ZNF436: variants seen among roughly 807,000 people sequenced by gnomAD.
ZNF436 encodes the protein DNA-binding protein.
ZNF436 carries 22 observed loss-of-function variants against 41.9 expected under a neutral mutation model. The ratio of observed to expected loss-of-function variants is 0.53; its 90% CI spans 0.38 to 0.75. ZNF436 has a LOEUF of 0.75. Ranked by LOEUF, ZNF436 falls within the 30% of genes least tolerant of loss-of-function variation. ZNF436 has a pLI of 0.00. For missense variants in ZNF436, 506 were observed against 587.3 expected (o/e 0.86, Z 1.43); for synonymous variants, 217 against 197.8 (o/e 1.10, Z -0.82).
At chr1:23,364,980 G>C (rs1404869053) in intron 3 of ZNF436, among the ~76,000 whole-genome samples, 1 of 152,204 alleles carries the variant, frequency 6.6e-6, no homozygotes. Context: ...TATAAGGCCA[G>C]ATGCAGTAGC....
Position 23,361,641 on chromosome 1 carries a change from T to C in ZNF436, c.*328A>G, listed in dbSNP as rs551929550. On this transcript the variant is annotated 3_prime_UTR_variant, in exon 4 of 4. Coordinates refer to ENST00000314011, the MANE Select transcript of ZNF436 (RefSeq NM_001077195.2). ...TTAGCATAGTTCCTTGGGCCAAGGATGGGAGAAAATAACATTGAAAGATTT... is the reference window on the plus strand; with the variant it reads ...TTAGCATAGTTCCTTGGGCCAAGGACGGGAGAAAATAACATTGAAAGATTT... 1.8e-4 allele frequency: 43 copies of C among 235,358 alleles called. No homozygotes were observed. The highest frequency in any genetic ancestry group is 9.2e-4 in the African/African-American group (40 of 43,492). The allele number at this position is 235,358 out of a possible 1,614,324, so 14.6% of individuals were successfully genotyped here. A position where few individuals can be genotyped will look rare whatever the true frequency, so the allele number is the denominator to read the frequency against.
chr1:23,363,952 G>A (rs1638301944), intron 3 of ZNF436, among the ~76,000 whole-genome samples: 1 of 152,118 alleles, frequency 6.6e-6, no homozygotes, highest in Admixed American at 6.5e-5. Flanking sequence ...TGAGGTAAGA[G>A]GATCACTTGA....
Position 23,362,194 on chromosome 1 carries a change from C to T in ZNF436, c.1188G>A (p.Trp396Ter), listed in dbSNP as rs746594408. Residue 396 changes from tryptophan to a stop codon, truncating the protein, a stop_gained, in exon 4 of 4, where the codon TGG becomes TGA. Coordinates refer to ENST00000314011, the MANE Select transcript of ZNF436 (RefSeq NM_001077195.2). LOFTEE classifies it high-confidence loss of function. ...GATCTGACCTTTCACCAAAGCTTCG[C>T]CAACACTCATTACACTCATAAGGCT... ...GEKPYECNEC[W>*]RSFGERSDLI... 1 of 1,613,302 alleles carries T rather than the reference C, an allele frequency of 6.2e-7. No homozygotes were observed.
At chr1:23,367,942 G>A (rs1335684241) in intron 2 of ZNF436, 31 bp downstream of exon 2, 6 of 1,613,264 alleles carry the variant, frequency 3.7e-6, no homozygotes, top group South Asian at 1.1e-5. Flanking sequence ...GGTAAGCAGA[G>A]ACAAGGTCTG....
At position 23,361,072 on chromosome 1, in the gene ZNF436, G is replaced by A. The variant is rs1415280843; in HGVS notation, c.*897C>T. The A allele has an allele frequency of 2.6e-5, 4 of 152,380 alleles. No homozygotes were observed. The highest frequency in any genetic ancestry group is 5.9e-5 in the Non-Finnish European group (4 of 68,028). The allele number at this position is 152,380 out of a possible 1,614,324, so 9.4% of individuals were successfully genotyped here. A position where few individuals can be genotyped will look rare whatever the true frequency, so the allele number is the denominator to read the frequency against. ...ATTAGAAGGGAAAGAACACAGAAAC[G>A]ACCTACATTCCTTGGGAAGGGACTC... On this transcript the variant is annotated 3_prime_UTR_variant, in exon 4 of 4. Coordinates refer to ENST00000314011, the MANE Select transcript of ZNF436 (RefSeq NM_001077195.2).
chr1:23,368,819 G>C (rs1020311971), intron 1 of ZNF436, among the ~76,000 whole-genome samples: 1 of 152,070 alleles, frequency 6.6e-6, no homozygotes, highest in Non-Finnish European at 1.5e-5. Flanking sequence ...AGAGGGAAGC[G>C]GCAGCCGCCC....
chr1:23,363,434 G>T (rs1638294027), intron 3 of ZNF436, among the ~76,000 whole-genome samples: 2 of 151,988 alleles, frequency 1.3e-5, no homozygotes, highest in Non-Finnish European at 2.9e-5. Flanking sequence ...GACTACAGGT[G>T]CACGCCACCA....
chr1:23,368,962 C>T (rs1280145509), intron 1 of ZNF436: 5 of 157,024 alleles, frequency 3.2e-5, no homozygotes, highest in Non-Finnish European at 7.1e-5. Context: ...CCGCCCCGCG[C>T]CGGGGCGACT....
At chr1:23,369,179 G>A (rs571887363) in intron 1 of ZNF436, 187 bp downstream of exon 1, 5 of 372,556 alleles carry the variant, frequency 1.3e-5, no homozygotes, top group Non-Finnish European at 2.2e-5. Flanking sequence ...AGGCCCCTGC[G>A]GGGGGGGCGG....
rs746034745 is a variant in ZNF436 at position 23,367,977 on chromosome 1, G to A, written c.29C>T (p.Ser10Phe). Residue 10 changes from serine to phenylalanine, a missense_variant, in exon 2 of 4, where the codon TCC (serine) becomes TTC (phenylalanine). Coordinates refer to ENST00000314011, the MANE Select transcript of ZNF436 (RefSeq NM_001077195.2). ...GAGAAGCCACCTCCGGCTTACCTGG[G>A]ACCCAGCCATGAGCAGGGTGGCTGC... Reference protein sequence around the residue: MAATLLMAGSQAPVTFEDMA... With the variant: MAATLLMAGFQAPVTFEDMA... The A allele has an allele frequency of 3.7e-6, 6 of 1,614,068 alleles. No homozygotes were observed. The highest frequency in any genetic ancestry group is 4.2e-6 in the Non-Finnish European group (5 of 1,180,016).
intron 3 of ZNF436, among the ~76,000 whole-genome samples, chr1:23,365,917 CAA>C (rs10634507): frequency 9.2e-5 from 9 of 97,992 alleles, no homozygotes; most frequent in Admixed American, 1.2e-4. Flanking sequence ...GATCCTGTCT[CAA>C]AAAAAAAAAA....
intron 3 of ZNF436, among the ~76,000 whole-genome samples, chr1:23,364,285 C>T (rs186233900): frequency 1.2e-4 from 19 of 152,130 alleles, no homozygotes; most frequent in Non-Finnish European, 2.1e-4. Flanking sequence ...TTGCCCAGGC[C>T]GGAGTGCAAT....
intron 2 of ZNF436, 114 bp downstream of exon 2, chr1:23,367,859 G>T (rs1215468153): frequency 2.4e-6 from 3 of 1,241,210 alleles, no homozygotes; most frequent in Non-Finnish European, 3.5e-6. Context: ...GCAGAATATC[G>T]AAGCCAGCGA....
Position 23,359,874 on chromosome 1 carries a change from G to A in ZNF436, c.*2095C>T, listed in dbSNP as rs1393406288. The A allele has an allele frequency of 6.5e-6, 1 of 152,698 alleles. No homozygotes were observed. The highest frequency in any genetic ancestry group is 1.5e-5 in the Non-Finnish European group (1 of 68,120). The allele number at this position is 152,698 out of a possible 1,614,324, so 9.5% of individuals were successfully genotyped here. ...GCAGGAACTGGTTGGGGTGGGGCAAGAACAGTAGGGAAGGAAAAGGGGGTG... is the reference window on the plus strand; with the variant it reads ...GCAGGAACTGGTTGGGGTGGGGCAAAAACAGTAGGGAAGGAAAAGGGGGTG... On this transcript the variant is annotated 3_prime_UTR_variant, in exon 4 of 4. Coordinates refer to ENST00000314011, the MANE Select transcript of ZNF436 (RefSeq NM_001077195.2).
rs779583975 is a variant in ZNF436 at position 23,362,192 on chromosome 1, C to T, written c.1190G>A (p.Arg397Gln). Residue 397 changes from arginine to glutamine, a missense_variant, in exon 4 of 4, where the codon CGA becomes CAA. Transcript: ENST00000314011. ...TAGATCTGACCTTTCACCAAAGCTT[C>T]GCCAACACTCATTACACTCATAAGG... The part of the protein sequence containing the change: ...EKPYECNECW[R>Q]SFGERSDLIK... The T allele has an allele frequency of 1.9e-5, 30 of 1,613,746 alleles. No homozygotes were observed. The highest frequency in any genetic ancestry group is 1.6e-4 in the Middle Eastern group (1 of 6,084).
chr1:23,369,396 T>G lies in ZNF436; in HGVS notation c.-91A>C. The G allele has an allele frequency of 1.9e-6, 1 of 534,692 alleles. No individual in the cohort carries two copies. The highest frequency in any genetic ancestry group is 3.8e-6 in the Non-Finnish European group (1 of 260,040). The allele number at this position is 534,692 out of a possible 1,614,324, so 33.1% of individuals were successfully genotyped here. A position where few individuals can be genotyped will look rare whatever the true frequency, so the allele number is the denominator to read the frequency against. ...GTCCCGCAAAAGATCCACTAGATCGTCGTCTCCAAAACCTGAGAGACCGCG... is the reference window on the plus strand; with the variant it reads ...GTCCCGCAAAAGATCCACTAGATCGGCGTCTCCAAAACCTGAGAGACCGCG... On this transcript the variant is annotated 5_prime_UTR_variant, in exon 1 of 4. Coordinates refer to ENST00000314011, the MANE Select transcript of ZNF436 (RefSeq NM_001077195.2).
chr1:23,361,692 A>G lies in ZNF436; in HGVS notation c.*277T>C, dbSNP rs1165108387. ...ACTCCATTTCCAGGCCTAAGCATTC[A>G]CCAGCATTTGTCCCCTGGTCTTCAG... On this transcript the variant is annotated 3_prime_UTR_variant, in exon 4 of 4. Transcript: ENST00000314011. The G allele has an allele frequency of 6.0e-6, 2 of 335,206 alleles. No homozygotes were observed. Among genetic ancestry groups the G allele is most frequent in the African/African-American group, 4.3e-5 (2 of 46,750 alleles). 20.8% of individuals were successfully genotyped at this position (335,206 alleles called of 1,614,324 possible).
At chr1:23,365,272 T>G (rs1638333558) in intron 3 of ZNF436, among the ~76,000 whole-genome samples, 1 of 150,688 alleles carries the variant, frequency 6.6e-6, no homozygotes, top group African/African-American at 2.4e-5. Flanking sequence ...GGCGGGCACC[T>G]GTAGTCCCAG....
Position 23,363,049 on chromosome 1 carries a change from T to C in ZNF436, c.333A>G (p.Ala111=), listed in dbSNP as rs745866244. ...GGAGAGGATAGCTTACCCACTCTTC[T>C]GCTGTTAAATCTCCCCATTGTCTTT... The part of the protein sequence containing the change: ...RSERQWGDLT[A]EEWVSYPLQP... Residue 111 remains alanine, a synonymous_variant, in exon 4 of 4, where the codon GCA becomes GCG. Transcript: ENST00000314011. 3.1e-6 allele frequency: 5 copies of C among 1,614,194 alleles called. No individual in the cohort carries two copies. The East Asian group carries it at 6.7e-5, about 22-fold the overall frequency.
Sources: allele counts gnomAD v4.1 joint callset (sites outside exome capture counted in the v4.1 genomes callset), GRCh38; gene constraint gnomAD v4.1.1; transcripts MANE v1.5; gene names NCBI Gene and HGNC (gene_info 2026-07-23, HGNC 2026-07-21).